TMEM132D: variants seen among roughly 807,000 people sequenced by gnomAD.
TMEM132D encodes mature OL transmembrane protein.
TMEM132D carries 21 observed loss-of-function variants against 62.3 expected under a neutral mutation model. The observed-to-expected ratio is 0.34, with a 90% confidence interval of 0.24 to 0.49. The LOEUF (loss-of-function observed/expected upper bound fraction) is 0.49. Ranked by LOEUF, TMEM132D falls within the 20% of genes least tolerant of loss-of-function variation. The pLI is 0.99. For synonymous variants in TMEM132D, 621 were observed against 575.6 expected, an observed-to-expected ratio of 1.08 and a Z score of -1.13; for missense variants, 1,346 against 1,402.8, an observed-to-expected ratio of 0.96 and a Z score of 0.65.
chr12:129,443,014 T>C lies in TMEM132D; in HGVS notation c.1115+88045A>G, dbSNP rs114444922. Among the ~76,000 whole-genome samples, 304 of 151,976 alleles carry C rather than the reference T, an allele frequency of 2.0e-3. 1 individual carries two copies. Among genetic ancestry groups the C allele is most frequent in the African/African-American group, 7.0e-3 (291 of 41,458 alleles). ...CACATCCTCCAGTGACTCCTCAGGG[T>C]GGGGTGGAGAGGCCAGGCACCCTTG... On this transcript the variant is annotated intron_variant, in intron 3 of 8. Transcript: ENST00000422113.
chr12:129,384,768 G>C (rs773803254), intron 3 of TMEM132D, among the ~76,000 whole-genome samples: 1 of 152,090 alleles, frequency 6.6e-6, no homozygotes. Context: ...ACACGTACGC[G>C]ACAGTCTGTG....
Position 129,505,246 on chromosome 12 carries a change from G to GT in TMEM132D, c.1115+25812dup, listed in dbSNP as rs57697547. On this transcript the variant is annotated intron_variant, in intron 3 of 8. Transcript: ENST00000422113. ...TTAAGTCCATTTGTTCCAGGGTATA[G>GT]TTTTTTTTTTTTTTGAGACGGAGTC... 7.4e-3 allele frequency among the ~76,000 whole-genome samples: 1,075 copies of GT among 144,434 alleles called. 5 individuals are homozygous for GT. Among genetic ancestry groups the GT allele is most frequent in the East Asian group, 0.01 (50 of 4,854 alleles). 94.8% of individuals were successfully genotyped at this position (144,434 alleles called of 152,430 possible).
intron 5 of TMEM132D, among the ~76,000 whole-genome samples, chr12:129,141,438 T>G (rs548767448): frequency 9.8e-5 from 15 of 152,302 alleles, no homozygotes; most frequent in African/African-American, 3.6e-4. Flanking sequence ...TGAACAAGAT[T>G]GTTTTTGGTG....
intron 5 of TMEM132D, among the ~76,000 whole-genome samples, chr12:129,145,662 T>C (rs1476157449): frequency 1.3e-5 from 2 of 152,146 alleles, no homozygotes; most frequent in African/African-American, 4.8e-5. Context: ...AAGACATTCG[T>C]TTCCAAATCT....
At chr12:129,759,553 A>G (rs532072108) in intron 1 of TMEM132D, among the ~76,000 whole-genome samples, 1 of 152,328 alleles carries the variant, frequency 6.6e-6, no homozygotes, top group African/African-American at 2.4e-5. Context: ...TCTGTAAAAG[A>G]GAGTTTATTC....
intron 1 of TMEM132D, among the ~76,000 whole-genome samples, chr12:129,882,317 A>G (rs975087191): frequency 2.0e-5 from 3 of 152,298 alleles, no homozygotes; most frequent in African/African-American, 7.2e-5. Context: ...CAGTATATAA[A>G]AGAAAACTAC....
Position 129,595,145 on chromosome 12 carries a change from A to G in TMEM132D, c.969-63940T>C, listed in dbSNP as rs1181203092. Among the ~76,000 whole-genome samples, 8 of 152,204 alleles carry G rather than the reference A, an allele frequency of 5.3e-5. No homozygotes were observed. The East Asian group carries it at 1.5e-3, about 29-fold the overall frequency. On this transcript the variant is annotated intron_variant, in intron 2 of 8. Coordinates refer to ENST00000422113, the MANE Select transcript of TMEM132D (RefSeq NM_133448.3). ...GAAATCAGATAATATGCAAAAATTA[A>G]TGTGAACAGGAAGTGACATTTAAAC...
At position 129,726,449 on chromosome 12, in the gene TMEM132D, C is replaced by G. The variant is rs1303666840; in HGVS notation, c.80-25751G>C. Reference sequence around the variant, plus strand: ...GGTCCTGAGGCAGGAACAGCCTCAGCTCATGAAAGGCATGGTAAAAAGAGA... The same window carrying G: ...GGTCCTGAGGCAGGAACAGCCTCAGGTCATGAAAGGCATGGTAAAAAGAGA... On this transcript the variant is annotated intron_variant, in intron 1 of 8. Transcript: ENST00000422113. Among the ~76,000 whole-genome samples, 4 of 151,980 alleles carry G rather than the reference C, an allele frequency of 2.6e-5. No homozygotes were observed. In the East Asian group the frequency reaches 7.7e-4, roughly 29 times the overall value.
intron 1 of TMEM132D, among the ~76,000 whole-genome samples, chr12:129,873,556 G>C (rs1055056628): frequency 1.3e-5 from 2 of 152,228 alleles, no homozygotes; most frequent in Admixed American, 6.5e-5. Flanking sequence ...TCAATGGCTA[G>C]ACGCTGAACC....
At chr12:129,171,701 G>A (rs2135546719) in intron 5 of TMEM132D, among the ~76,000 whole-genome samples, 1 of 152,324 alleles carries the variant, frequency 6.6e-6, no homozygotes, top group Non-Finnish European at 1.5e-5. Context: ...GGGCGATGAG[G>A]TGCATTGTCA....
intron 4 of TMEM132D, chr12:129,212,523 G>A (rs959674559): frequency 3.9e-5 from 6 of 152,194 alleles, no homozygotes; most frequent in Admixed American, 2.0e-4. Flanking sequence ...CCTTAGCTTT[G>A]CCTGAGATAT....
At chr12:129,736,787 T>A (rs1191689850) in intron 1 of TMEM132D, among the ~76,000 whole-genome samples, 1 of 151,168 alleles carries the variant, frequency 6.6e-6, no homozygotes, top group East Asian at 1.9e-4. Context: ...CTGTGATGCG[T>A]GCATTAAGTC....
intron 3 of TMEM132D, among the ~76,000 whole-genome samples, chr12:129,465,874 G>T (rs910879940): frequency 5.3e-5 from 8 of 152,106 alleles, no homozygotes; most frequent in Non-Finnish European, 1.0e-4. Context: ...GTAGAGATGG[G>T]GTTTCACCAC....
At chr12:129,388,891 A>C (rs1324270062) in intron 3 of TMEM132D, among the ~76,000 whole-genome samples, 3 of 110,912 alleles carry the variant, frequency 2.7e-5, no homozygotes, top group East Asian at 3.1e-4. Context: ...CACTAACATG[A>C]ATCCTAATAT....
chr12:129,756,136 G>A (rs1160726649), intron 1 of TMEM132D, among the ~76,000 whole-genome samples: 1 of 152,176 alleles, frequency 6.6e-6, no homozygotes, highest in Admixed American at 6.5e-5. Context: ...TAGTGGAAAT[G>A]AGACACTGCT....
At chr12:129,815,549 C>T (rs1872320593) in intron 1 of TMEM132D, among the ~76,000 whole-genome samples, 1 of 152,156 alleles carries the variant, frequency 6.6e-6, no homozygotes, top group African/African-American at 2.4e-5. Flanking sequence ...ATTTCTAGAA[C>T]ACCATCTAGC....
At chr12:129,147,290 A>C (rs1164477482) in intron 5 of TMEM132D, among the ~76,000 whole-genome samples, 1 of 150,170 alleles carries the variant, frequency 6.7e-6, no homozygotes, top group African/African-American at 2.4e-5. Flanking sequence ...ATACATGTGC[A>C]TATGTATATA....
chr12:129,236,261 T>C (rs550112359), intron 4 of TMEM132D, among the ~76,000 whole-genome samples: 1 of 151,848 alleles, frequency 6.6e-6, no homozygotes, highest in Non-Finnish European at 1.5e-5. Context: ...TCACGCTTGT[T>C]ATCCCAGCAC....
chr12:129,706,718 T>C (rs1260291945), intron 1 of TMEM132D, among the ~76,000 whole-genome samples: 1 of 151,846 alleles, frequency 6.6e-6, no homozygotes. Context: ...AAGGAGACAA[T>C]AATAATAATA....
Sources: allele counts gnomAD v4.1 joint callset (sites outside exome capture counted in the v4.1 genomes callset), GRCh38; gene constraint gnomAD v4.1.1; transcripts MANE v1.5; gene names NCBI Gene and HGNC (gene_info 2026-07-23, HGNC 2026-07-21).